The following SASH1 variants were observed in gnomAD, a reference collection of about 807,000 sequenced individuals.
SASH1 encodes SAM and SH3 domain containing 1.
SASH1 carries 44 observed loss-of-function variants against 125.2 expected under a neutral mutation model. That is an observed-to-expected ratio of 0.35 (90% CI 0.28 to 0.45). The LOEUF (loss-of-function observed/expected upper bound fraction) is 0.45. Among genes scored for constraint, SASH1 ranks in the 20% least tolerant of loss-of-function variants. The pLI, the probability that SASH1 is intolerant of heterozygous loss-of-function variation, is 1.00. For synonymous variants in SASH1, 639 were observed against 649.1 expected (o/e 0.98, Z 0.24); for missense variants, 1,426 against 1,614.5 (o/e 0.88, Z 2.00).
At chr6:148,388,831 G>A (rs549855488) in intron 1 of SASH1, among the ~76,000 whole-genome samples, 25 of 152,302 alleles carry the variant, frequency 1.6e-4, no homozygotes, top group Middle Eastern at 3.4e-3. Context: ...ATAACTGAAG[G>A]GGTTGGCTAG....
chr6:148,305,491 C>T (rs966451931), intron 1 of SASH1, among the ~76,000 whole-genome samples: 5 of 151,974 alleles, frequency 3.3e-5, no homozygotes, highest in Non-Finnish European at 7.4e-5. Context: ...GATGTGGTGG[C>T]GGGCACCTAT....
the SASH1 span, among the ~76,000 whole-genome samples, chr6:148,201,221 G>A: frequency 6.6e-6 from 1 of 152,146 alleles, no homozygotes; most frequent in Admixed American, 6.6e-5. Flanking sequence ...AACATGTATG[G>A]CAAATTTAGC....
the SASH1 span, among the ~76,000 whole-genome samples, chr6:148,244,944 G>A: frequency 7.5e-6 from 1 of 132,806 alleles, no homozygotes; most frequent in African/African-American, 2.7e-5. Context: ...GTGTGTGTGT[G>A]TGTGTGTGTG....
intron 1 of SASH1, among the ~76,000 whole-genome samples, chr6:148,293,065 AAAG>A (rs1329035623): frequency 6.6e-6 from 1 of 152,088 alleles, no homozygotes; most frequent in African/African-American, 2.4e-5. Context: ...CAAAAAAAAA[AAAG>A]GTCTATGTGA....
chr6:148,296,236 C>T (rs1476136943), intron 1 of SASH1, among the ~76,000 whole-genome samples: 1 of 152,114 alleles, frequency 6.6e-6, no homozygotes, highest in African/African-American at 2.4e-5. Context: ...AGCAATTCTC[C>T]TGCCTCAGCA....
At chr6:148,251,336 T>C in the SASH1 span, among the ~76,000 whole-genome samples, 1 of 152,212 alleles carries the variant, frequency 6.6e-6, no homozygotes, top group Non-Finnish European at 1.5e-5. Flanking sequence ...AGAATTTTTT[T>C]CATTTAAAAA....
intron 2 of SASH1, among the ~76,000 whole-genome samples, chr6:148,413,338 TG>T (rs1444175150): frequency 6.6e-6 from 1 of 151,804 alleles, no homozygotes; most frequent in Non-Finnish European, 1.5e-5. Context: ...AGTGTAGAAA[TG>T]GAAATGAGGA....
chr6:148,440,542 C>A, intron 4 of SASH1, 135 bp downstream of exon 4: 1 of 726,278 alleles, frequency 1.4e-6, no homozygotes, highest in Non-Finnish European at 2.3e-6. Context: ...TAACATGTTG[C>A]ATGCATGTGT....
In SASH1 at chr6:148,516,433, G is replaced by A. The variant is rs563396448; in HGVS notation, c.862+1977G>A. Reference sequence around the variant, plus strand: ...CTCACTGGCAGTGGTACTTGGGAGAGGCTATCTTGGCCCCTGTCCATCTTG... The same window carrying A: ...CTCACTGGCAGTGGTACTTGGGAGAAGCTATCTTGGCCCCTGTCCATCTTG... On this transcript the variant is annotated intron_variant, in intron 9 of 19. Transcript: ENST00000367467. Among the ~76,000 whole-genome samples, 10 of 152,262 alleles carry A rather than the reference G, an allele frequency of 6.6e-5. No individual in the cohort carries two copies. In the East Asian group the frequency reaches 1.9e-3, roughly 29 times the overall value.
At chr6:148,490,513 C>G (rs1583245219) in intron 8 of SASH1, among the ~76,000 whole-genome samples, 1 of 152,184 alleles carries the variant, frequency 6.6e-6, no homozygotes, top group East Asian at 1.9e-4. Context: ...TGGCCTCATA[C>G]AAACATTGTA....
At chr6:148,537,800 G>C (rs1781946511) in intron 16 of SASH1, among the ~76,000 whole-genome samples, 1 of 140,102 alleles carries the variant, frequency 7.1e-6, no homozygotes, top group South Asian at 2.1e-4. Context: ...GTGTGTGTGT[G>C]TGTGTGTGTG....
chr6:148,378,675 AC>A (rs1220510495), intron 1 of SASH1, among the ~76,000 whole-genome samples: 1 of 152,108 alleles, frequency 6.6e-6, no homozygotes, highest in Non-Finnish European at 1.5e-5. Context: ...CATGTAGGCC[AC>A]CCTTATTCTG....
At chr6:148,339,442 AAT>A (rs1193398554), upstream of SASH1, among the ~76,000 whole-genome samples, 3 of 151,928 alleles carry the variant, frequency 2.0e-5, no homozygotes, top group African/African-American at 7.3e-5. Flanking sequence ...AAACAGCTTA[AAT>A]ATCTAGAATA....
At chr6:148,353,001 C>T (rs1781791641) in intron 1 of SASH1, among the ~76,000 whole-genome samples, 2 of 152,122 alleles carry the variant, frequency 1.3e-5, no homozygotes, top group African/African-American at 4.8e-5. Context: ...TTATTAACTA[C>T]TAACAATAGT....
chr6:148,544,969 A>G lies in SASH1; in HGVS notation c.3348+151A>G, dbSNP rs1230989807. 4 of 677,480 alleles carry G rather than the reference A, an allele frequency of 5.9e-6. No individual in the cohort carries two copies. The highest frequency in any genetic ancestry group is 9.8e-6 in the Non-Finnish European group (4 of 408,946). The allele number at this position is 677,480 out of a possible 1,614,324, so 42.0% of individuals were successfully genotyped here. ...TCCACGTGTCCACACCTTACTTGAC[A>G]TGCATGTGTTCAGATATTGACACCA... On this transcript the variant is annotated intron_variant, in intron 18 of 19. Coordinates refer to ENST00000367467, the MANE Select transcript of SASH1 (RefSeq NM_015278.5). This position sits in a 1 kb window ranked among gnomAD's most constrained non-coding sequence, Gnocchi z 6.4.
chr6:148,213,815 A>C, the SASH1 span, among the ~76,000 whole-genome samples: 1 of 152,084 alleles, frequency 6.6e-6, no homozygotes, highest in Non-Finnish European at 1.5e-5. Context: ...AACCACTGTC[A>C]GGGCCCTACT....
chr6:148,530,174 G>A (rs115727847), intron 12 of SASH1, among the ~76,000 whole-genome samples: 4,683 of 152,178 alleles, frequency 0.031, 82 homozygotes, highest in African/African-American at 0.039. Flanking sequence ...TGTTTTCTCC[G>A]TTGCTGCTAT....
chr6:148,352,556 C>A (rs1487337936), intron 1 of SASH1, among the ~76,000 whole-genome samples: 1 of 150,376 alleles, frequency 6.6e-6, no homozygotes, highest in Non-Finnish European at 1.5e-5. Flanking sequence ...AAGATCACAC[C>A]ACCGTACTCC....
At chr6:148,418,632 TTATTAGATACTTAC>T (rs1369929134) in intron 2 of SASH1, among the ~76,000 whole-genome samples, 37 of 152,310 alleles carry the variant, frequency 2.4e-4, no homozygotes, top group African/African-American at 7.9e-4. Context: ...ATACAGATAT[TTATTAGATACTTAC>T]TCTGAACCAG....
Sources: gnomAD v4.1 joint callset for allele counts (sites outside exome capture counted in the v4.1 genomes callset) on GRCh38, gnomAD v4.1.1 for gene constraint, Gnocchi (gnomAD v3.1) non-coding constraint, MANE v1.5 for transcripts, NCBI Gene and HGNC (gene_info 2026-07-23, HGNC 2026-07-21) for gene names.